Variants in ZZZ3 observed in about 807,000 individuals in gnomAD.
ZZZ3 encodes the protein zinc finger ZZ-type containing 3, also known as ZZ-type zinc finger-containing protein 3.
Under a neutral mutation model 95.2 loss-of-function variants are expected in ZZZ3, and 22 were observed. The observed-to-expected ratio is 0.23, with a 90% confidence interval of 0.17 to 0.33. ZZZ3 has a LOEUF of 0.33. Ranked by LOEUF, ZZZ3 falls within the 10% of genes least tolerant of loss-of-function variation. ZZZ3 has a pLI of 1.00. For synonymous variants in ZZZ3, 335 were observed against 358.9 expected, an observed-to-expected ratio of 0.93 and a Z score of 0.75; for missense variants, 885 against 1,066.5, an observed-to-expected ratio of 0.83 and a Z score of 2.37.
At chr1:77,668,018 C>A (rs916942138) in intron 1 of ZZZ3, among the ~76,000 whole-genome samples, 2 of 152,060 alleles carry the variant, frequency 1.3e-5, no homozygotes, top group South Asian at 4.1e-4. Flanking sequence ...CTGCCCACCT[C>A]AGCCTCCCAA....
At chr1:77,628,895 C>T (rs564687646) in intron 5 of ZZZ3, among the ~76,000 whole-genome samples, 1 of 152,152 alleles carries the variant, frequency 6.6e-6, no homozygotes, top group Admixed American at 6.5e-5. Flanking sequence ...ACCTGGAGAA[C>T]GTTTCTAGCA....
At chr1:77,640,397 G>A (rs1051058695) in intron 3 of ZZZ3, among the ~76,000 whole-genome samples, 1 of 151,916 alleles carries the variant, frequency 6.6e-6, no homozygotes, top group African/African-American at 2.4e-5. Flanking sequence ...TCAGGAGTTC[G>A]AGACCAGCCT....
At chr1:77,639,629 G>T in intron 3 of ZZZ3, 27 bp from the exon 4 acceptor site, 1 of 438,398 alleles carries the variant, frequency 2.3e-6, no homozygotes. Flanking sequence ...TGAAAAAAAA[G>T]GATTAAAGAA....
At chr1:77,633,607 AG>A (rs1215583877) in intron 4 of ZZZ3, among the ~76,000 whole-genome samples, 14 of 152,248 alleles carry the variant, frequency 9.2e-5, no homozygotes, top group Non-Finnish European at 1.8e-4. Flanking sequence ...ACAAGCATAC[AG>A]TACTTAATAT....
At chr1:77,565,953 A>T in intron 14 of ZZZ3, 128 bp downstream of exon 14, 2 of 1,113,234 alleles carry the variant, frequency 1.8e-6, no homozygotes, top group Non-Finnish European at 2.5e-6. Flanking sequence ...TTAATTGCCT[A>T]GAACAACAAA....
intron 5 of ZZZ3, among the ~76,000 whole-genome samples, chr1:77,630,725 T>C (rs956345425): frequency 6.6e-6 from 1 of 152,142 alleles, no homozygotes; most frequent in Admixed American, 6.5e-5. Flanking sequence ...AAGAAAACTT[T>C]TCAGAAGGGG....
In ZZZ3 at chr1:77,568,611, T is replaced by C. The variant is rs140029330; in HGVS notation, c.2332-145A>G. On this transcript the variant is annotated intron_variant, in intron 12 of 14. Transcript: ENST00000370801. ...TACTCATAGAAAATTAGTGCTGTTA[T>C]TAGCAGTATTTTCCACTAATGCTTT... is the stretch of plus-strand genomic sequence containing the variant. The C allele has an allele frequency of 1.1e-3, 512 of 459,630 alleles. 9 individuals carry two copies. The East Asian group carries it at 0.017, about 15-fold the overall frequency. 28.5% of individuals were successfully genotyped at this position (459,630 alleles called of 1,614,324 possible).
intron 1 of ZZZ3, among the ~76,000 whole-genome samples, chr1:77,645,864 G>C (rs1028050874): frequency 6.6e-6 from 1 of 151,586 alleles, no homozygotes; most frequent in Non-Finnish European, 1.5e-5. Context: ...CCAGCTACTC[G>C]GGAGGCTGAG....
At chr1:77,669,996 T>C (rs1671603906) in intron 1 of ZZZ3, among the ~76,000 whole-genome samples, 1 of 151,794 alleles carries the variant, frequency 6.6e-6, no homozygotes, top group Non-Finnish European at 1.5e-5. Flanking sequence ...TAAAAAGCAC[T>C]GAATTGTGCA....
chr1:77,574,924 G>A (rs769514632), intron 12 of ZZZ3, among the ~76,000 whole-genome samples: 28 of 152,286 alleles, frequency 1.8e-4, no homozygotes, highest in South Asian at 4.1e-4. Context: ...GGTGGCTCAC[G>A]CCTATAATCT....
intron 5 of ZZZ3, among the ~76,000 whole-genome samples, chr1:77,625,209 C>T (rs1667229469): frequency 6.6e-6 from 1 of 152,120 alleles, no homozygotes; most frequent in African/African-American, 2.4e-5. Flanking sequence ...GTGAGTCTTT[C>T]TTACCATATA....
intron 1 of ZZZ3, among the ~76,000 whole-genome samples, chr1:77,650,376 A>T (rs1230591528): frequency 6.6e-6 from 1 of 152,248 alleles, no homozygotes; most frequent in Non-Finnish European, 1.5e-5. Flanking sequence ...GGAAGGAATA[A>T]CAACAAATGA....
At chr1:77,634,450 C>T (rs1668117638) in intron 4 of ZZZ3, among the ~76,000 whole-genome samples, 1 of 151,978 alleles carries the variant, frequency 6.6e-6, no homozygotes, top group South Asian at 2.1e-4. Context: ...TGGCTAAGAA[C>T]AAAACAAAGC....
Position 77,587,857 on chromosome 1 carries a change from T to C in ZZZ3, c.1506-3202A>G, listed in dbSNP as rs115357037. On this transcript the variant is annotated intron_variant, in intron 5 of 14. Coordinates refer to ENST00000370801, the MANE Select transcript of ZZZ3 (RefSeq NM_015534.6). ...CTCCTCTACCTCAGCCTACTCAACG[T>C]GAGGACAATGAGGGTGAATACTTTT... Among the ~76,000 whole-genome samples the C allele has an allele frequency of 4.0e-3, 606 of 152,328 alleles. 4 individuals are homozygous for C. Among genetic ancestry groups the C allele is most frequent in the African/African-American group, 0.014 (565 of 41,574 alleles).
intron 5 of ZZZ3, among the ~76,000 whole-genome samples, chr1:77,630,279 G>C (rs1348523121): frequency 6.6e-6 from 1 of 152,040 alleles, no homozygotes; most frequent in Non-Finnish European, 1.5e-5. Context: ...ATTAAGACGA[G>C]CCTGGGCACC....
intron 1 of ZZZ3, among the ~76,000 whole-genome samples, chr1:77,662,323 T>C (rs1014861135): frequency 6.6e-6 from 1 of 151,928 alleles, no homozygotes; most frequent in Non-Finnish European, 1.5e-5. Context: ...GGCTTTTTTT[T>C]TGTAGAGACA....
chr1:77,659,631 C>T (rs933336282), intron 1 of ZZZ3, among the ~76,000 whole-genome samples: 1 of 147,288 alleles, frequency 6.8e-6, no homozygotes, highest in African/African-American at 2.5e-5. Flanking sequence ...TGCAGTGAGC[C>T]GAGATCACGC....
chr1:77,579,246 C>A (rs1180995089), intron 10 of ZZZ3, among the ~76,000 whole-genome samples: 1 of 151,982 alleles, frequency 6.6e-6, no homozygotes, highest in Non-Finnish European at 1.5e-5. Flanking sequence ...CTCAGTATAA[C>A]CAAAAAGTAT....
At chr1:77,567,887 A>G (rs1253453637) in intron 13 of ZZZ3, among the ~76,000 whole-genome samples, 1 of 152,220 alleles carries the variant, frequency 6.6e-6, no homozygotes, top group Non-Finnish European at 1.5e-5. Flanking sequence ...CTCAATTGAT[A>G]GCTACCTGTA....
Sources: gnomAD v4.1 joint callset for allele counts (sites outside exome capture counted in the v4.1 genomes callset) on GRCh38, gnomAD v4.1.1 for gene constraint, MANE v1.5 for transcripts, NCBI Gene and HGNC (gene_info 2026-07-23, HGNC 2026-07-21) for gene names.